CREB3L2: variants seen among roughly 807,000 people sequenced by gnomAD.
CREB3L2 encodes the protein cAMP responsive element binding protein 3 like 2.
CREB3L2 carries 23 observed loss-of-function variants against 57.2 expected under a neutral mutation model. That is an observed-to-expected ratio of 0.40 (90% CI 0.29 to 0.57). CREB3L2 has a LOEUF of 0.57. CREB3L2 is among the 20% of genes least tolerant of loss of function. The pLI is 0.42. For synonymous variants in CREB3L2, 268 were observed against 265.1 expected (o/e 1.01, Z -0.11); for missense variants, 628 against 634.7 (o/e 0.99, Z 0.11).
chr7:137,926,268 A>C (rs1272160388), intron 2 of CREB3L2, among the ~76,000 whole-genome samples: 1 of 152,250 alleles, frequency 6.6e-6, no homozygotes, highest in East Asian at 1.9e-4. Flanking sequence ...GCTGCTATAA[A>C]GACACATGCA....
At chr7:137,960,707 C>T (rs1801303401) in intron 1 of CREB3L2, among the ~76,000 whole-genome samples, 1 of 151,874 alleles carries the variant, frequency 6.6e-6, no homozygotes, top group Non-Finnish European at 1.5e-5. Flanking sequence ...ACAGTTTTGC[C>T]ATAGTACAAC....
chr7:137,982,755 T>C (rs547259177), intron 1 of CREB3L2, among the ~76,000 whole-genome samples: 49 of 152,304 alleles, frequency 3.2e-4, no homozygotes, highest in African/African-American at 1.1e-3. Context: ...AACGGACTAA[T>C]ACACCTGCAA....
chr7:137,880,632 T>C lies in CREB3L2; in HGVS notation c.1488-81A>G. On this transcript the variant is annotated intron_variant, in intron 11 of 11. Coordinates refer to ENST00000330387, the MANE Select transcript of CREB3L2 (RefSeq NM_194071.4). The surrounding 1 kb of genome is among the most constrained non-coding windows in gnomAD (Gnocchi z 4.0). ...TCTCATGCTTTGTAGCGTGATGCAA[T>C]CATTCAGGGGTTGCAACTTGGTGAG... 2.6e-6 allele frequency: 3 copies of C among 1,148,196 alleles called. No homozygotes were observed. The highest frequency in any genetic ancestry group is 3.9e-6 in the Non-Finnish European group (3 of 765,584). The allele number at this position is 1,148,196 out of a possible 1,614,324, so 71.1% of individuals were successfully genotyped here. A position where few individuals can be genotyped will look rare whatever the true frequency, so the allele number is the denominator to read the frequency against.
intron 1 of CREB3L2, among the ~76,000 whole-genome samples, chr7:137,951,805 A>T (rs1036612203): frequency 6.6e-6 from 1 of 152,108 alleles, no homozygotes; most frequent in Admixed American, 6.5e-5. Flanking sequence ...TGGGCAACAT[A>T]GGGAGACTCT....
intron 1 of CREB3L2, among the ~76,000 whole-genome samples, chr7:137,958,919 A>C (rs1801268243): frequency 6.6e-6 from 1 of 152,258 alleles, no homozygotes; most frequent in Admixed American, 6.5e-5. Context: ...ATCTGTCTGC[A>C]ACACAAGGGA....
chr7:137,901,420 A>G lies in CREB3L2; in HGVS notation c.977T>C (p.Val326Ala). The change falls in exon 8 of 12, where the codon GTG becomes GCG. Residue 326 changes from valine to alanine, a missense_variant and splice_region_variant. Physicochemically the swap from Val to Ala is moderately conservative, Grantham distance 64. This residue lies in a region of CREB3L2 where 272 missense variants were observed against 242.7 expected (regional missense o/e 1.12). Transcript: ENST00000330387. ...KEYMDSLEKKVESCSTENLEL... is the reference protein window; with the variant it reads ...KEYMDSLEKKAESCSTENLEL... Reference sequence around the variant, plus strand: ...CAAGTTCTCAGTTGAACAAGACTCCACTCTACAAAGGAGGGAGAAAGAAGA... The same window carrying G: ...CAAGTTCTCAGTTGAACAAGACTCCGCTCTACAAAGGAGGGAGAAAGAAGA... 1.9e-6 allele frequency: 3 copies of G among 1,600,568 alleles called. No individual in the cohort carries two copies. The highest frequency in any genetic ancestry group is 2.2e-5 in the South Asian group (2 of 90,648).
At chr7:137,914,392 G>C (rs1381834355) in intron 3 of CREB3L2, among the ~76,000 whole-genome samples, 1 of 152,096 alleles carries the variant, frequency 6.6e-6, no homozygotes, top group Non-Finnish European at 1.5e-5. Flanking sequence ...AACACTTTGG[G>C]ACGCTGAGGT....
chr7:137,946,880 CTATATAGTTATA>C (rs1422069826), intron 1 of CREB3L2, among the ~76,000 whole-genome samples: 1,459 of 33,974 alleles, frequency 0.043, 312 homozygotes, highest in South Asian at 0.06. Flanking sequence ...ATATAGTTAT[CTATATAGTTATA>C]TATATAGTTA....
At chr7:137,926,441 T>G (rs2117237014) in intron 2 of CREB3L2, among the ~76,000 whole-genome samples, 1 of 152,286 alleles carries the variant, frequency 6.6e-6, no homozygotes, top group South Asian at 2.1e-4. Context: ...GGGGCATGGA[T>G]GACGCTGGAA....
intron 1 of CREB3L2, among the ~76,000 whole-genome samples, chr7:137,967,363 T>C (rs1801425532): frequency 6.6e-6 from 1 of 152,180 alleles, no homozygotes; most frequent in African/African-American, 2.4e-5. Flanking sequence ...CGGGACATCA[T>C]TATCTACCTA....
chr7:137,994,408 T>C (rs1000422900), intron 1 of CREB3L2, among the ~76,000 whole-genome samples: 5 of 152,200 alleles, frequency 3.3e-5, no homozygotes, highest in Non-Finnish European at 7.3e-5. Flanking sequence ...ATCATTCTTG[T>C]CCTGCATGGT....
intron 2 of CREB3L2, among the ~76,000 whole-genome samples, chr7:137,922,400 A>ACG (rs1419855371): frequency 4.9e-5 from 1 of 20,442 alleles, no homozygotes. Flanking sequence ...ATATATATAT[A>ACG]TATATATATA....
rs548077108 is a variant in CREB3L2 at position 137,946,988 on chromosome 7, TTA to T, written c.103-18624_103-18623del. 2.5e-5 allele frequency among the ~76,000 whole-genome samples: 3 copies of T among 119,754 alleles called. 1 individual carries two copies. Among genetic ancestry groups the T allele is most frequent in the South Asian group, 5.1e-4 (2 of 3,908 alleles). The allele number at this position is 119,754 out of a possible 152,430, so 78.6% of individuals were successfully genotyped here. A position where few individuals can be genotyped will look rare whatever the true frequency, so the allele number is the denominator to read the frequency against. On this transcript the variant is annotated intron_variant, in intron 1 of 11. Coordinates refer to ENST00000330387, the MANE Select transcript of CREB3L2 (RefSeq NM_194071.4). ...TATATATATAGTTATATATATATAGTTATATATATAGTTATATATATATAGTT... is the reference window on the plus strand; with the variant it reads ...TATATATATAGTTATATATATATAGTTATATATAGTTATATATATATAGTT...
chr7:137,947,434 A>G (rs1048148883), intron 1 of CREB3L2, among the ~76,000 whole-genome samples: 1 of 152,192 alleles, frequency 6.6e-6, no homozygotes, highest in Non-Finnish European at 1.5e-5. Context: ...GAAGAGAAAC[A>G]GGAGAGCTGG....
In CREB3L2 at chr7:137,878,954, A is replaced by G; in HGVS notation, c.*1522T>C. Reference sequence around the variant, plus strand: ...GAGAGAGAGAAGGAGAGACAGAGAGAGAGAGGGAGAGAGAGAAGCCAAAAC... The same window carrying G: ...GAGAGAGAGAAGGAGAGACAGAGAGGGAGAGGGAGAGAGAGAAGCCAAAAC... On this transcript the variant is annotated 3_prime_UTR_variant, in exon 12 of 12. Coordinates refer to ENST00000330387, the MANE Select transcript of CREB3L2 (RefSeq NM_194071.4). The G allele has an allele frequency of 2.4e-6, 1 of 414,392 alleles. No homozygotes were observed. The highest frequency in any genetic ancestry group is 2.0e-5 in the African/African-American group (1 of 49,378). 25.7% of individuals were successfully genotyped at this position (414,392 alleles called of 1,614,324 possible).
rs929104148 is a variant in CREB3L2 at position 137,976,909 on chromosome 7, G to A, written c.102+24695C>T. Among the ~76,000 whole-genome samples, 8 of 152,332 alleles carry A rather than the reference G, an allele frequency of 5.3e-5. 1 individual carries two copies. The highest frequency in any genetic ancestry group is 6.8e-3 in the Middle Eastern group (2 of 294). ...GAACATCATAAGCTATATAGGCTAC[G>A]CAGACGGCAGCCTGCCATCTTCTTG... is the stretch of plus-strand genomic sequence containing the variant. On this transcript the variant is annotated intron_variant, in intron 1 of 11. Coordinates refer to ENST00000330387, the MANE Select transcript of CREB3L2 (RefSeq NM_194071.4).
chr7:137,886,725 G>GA lies in CREB3L2; in HGVS notation c.1044-1224dup, dbSNP rs112746477. Among the ~76,000 whole-genome samples the GA allele has an allele frequency of 7.9e-3, 1,133 of 143,228 alleles. 19 individuals are homozygous for GA. Among genetic ancestry groups the GA allele is most frequent in the African/African-American group, 0.026 (1,027 of 39,700 alleles). The allele number at this position is 143,228 out of a possible 152,430, so 94.0% of individuals were successfully genotyped here. On this transcript the variant is annotated intron_variant, in intron 8 of 11. Transcript: ENST00000330387. ...GGAAAAAGACAAGAGAGCAAGAGCAGAAAAAAAAAAAGGAGACGTTTTATC... is the reference window on the plus strand; with the variant it reads ...GGAAAAAGACAAGAGAGCAAGAGCAGAAAAAAAAAAAAGGAGACGTTTTATC...
intron 1 of CREB3L2, among the ~76,000 whole-genome samples, chr7:137,958,483 A>G (rs1329763095): frequency 6.6e-6 from 1 of 152,158 alleles, no homozygotes; most frequent in East Asian, 1.9e-4. Flanking sequence ...TGGGCAACAT[A>G]GTGGAGACCC....
intron 1 of CREB3L2, among the ~76,000 whole-genome samples, chr7:137,969,410 G>A (rs1405584186): frequency 1.5e-5 from 2 of 130,022 alleles, no homozygotes; most frequent in Non-Finnish European, 3.1e-5. Context: ...GCAATGGCAC[G>A]AACTCGGCTC....
Sources: gnomAD v4.1 joint callset for allele counts (sites outside exome capture counted in the v4.1 genomes callset) on GRCh38, gnomAD v4.1.1 for gene constraint, gnomAD v4.1.1 regional missense constraint, Gnocchi (gnomAD v3.1) non-coding constraint, MANE v1.5 for transcripts, NCBI Gene and HGNC (gene_info 2026-07-23, HGNC 2026-07-21) for gene names.